Variants in ITPR2 observed in about 807,000 individuals in gnomAD.
ITPR2 encodes inositol 1,4,5-trisphosphate receptor type 2.
A neutral mutation model predicts 317.1 loss-of-function variants in ITPR2; 207 were observed. The observed-to-expected ratio is 0.65, with a 90% CI of 0.58 to 0.73. The LOEUF (loss-of-function observed/expected upper bound fraction) is 0.73, where lower values mean the gene tolerates loss of function less well. Among genes scored for constraint, ITPR2 ranks in the 30% least tolerant of loss-of-function variants. ITPR2 has a pLI of 0.00. For synonymous variants in ITPR2, 1,156 were observed against 1,149.1 expected, an observed-to-expected ratio of 1.01 and a Z score of -0.12; for missense variants, 2,613 against 3,284.0, an observed-to-expected ratio of 0.80 and a Z score of 4.99.
chr12:26,453,983 TAATA>T (rs1941810476), intron 45 of ITPR2, among the ~76,000 whole-genome samples: 2 of 152,310 alleles, frequency 1.3e-5, no homozygotes, highest in Non-Finnish European at 2.9e-5. Flanking sequence ...AAGAGTTGCT[TAATA>T]AATATTTTTT....
chr12:26,571,320 C>T (rs1945154426), intron 34 of ITPR2, among the ~76,000 whole-genome samples: 1 of 152,086 alleles, frequency 6.6e-6, no homozygotes, highest in African/African-American at 2.4e-5. Flanking sequence ...GGATCATAGC[C>T]TCAAAACATT....
intron 8 of ITPR2, among the ~76,000 whole-genome samples, chr12:26,713,263 G>A (rs879467443): frequency 6.6e-6 from 1 of 152,120 alleles, no homozygotes; most frequent in Non-Finnish European, 1.5e-5. Flanking sequence ...CATGTTGAAC[G>A]TAATTTCCCT....
chr12:26,653,856 G>C (rs570166761), intron 21 of ITPR2, 120 bp downstream of exon 21: 1 of 711,430 alleles, frequency 1.4e-6, no homozygotes, highest in South Asian at 1.8e-5. Context: ...CATAGGAATT[G>C]TGTTCATATG....
intron 37 of ITPR2, among the ~76,000 whole-genome samples, chr12:26,527,788 A>T (rs79645096): frequency 0.013 from 2,000 of 152,302 alleles, 43 homozygotes; most frequent in African/African-American, 0.045. Context: ...CCTGACAAGG[A>T]TAAAGGTAAT....
intron 39 of ITPR2, chr12:26,493,929 T>C (rs1240304127): frequency 1.5e-5 from 6 of 399,056 alleles, no homozygotes; most frequent in Non-Finnish European, 2.6e-5. Context: ...CCTGGAATAA[T>C]GTCAGAAGGA....
intron 1 of ITPR2, among the ~76,000 whole-genome samples, chr12:26,804,943 T>A (rs1950616941): frequency 6.6e-6 from 1 of 151,908 alleles, no homozygotes; most frequent in African/African-American, 2.4e-5. Context: ...CCATGTTGCC[T>A]AGGCTGGTCT....
At chr12:26,415,185 C>A (rs960679613) in intron 51 of ITPR2, 118 bp downstream of exon 51, 1 of 679,856 alleles carries the variant, frequency 1.5e-6, no homozygotes, top group African/African-American at 1.8e-5. Context: ...AAAACATATT[C>A]TCAAAGGAAT....
At chr12:26,644,180 C>T (rs775989115) in intron 21 of ITPR2, among the ~76,000 whole-genome samples, 2 of 152,098 alleles carry the variant, frequency 1.3e-5, no homozygotes. Context: ...GGAGGGGGTG[C>T]CACCTCACAT....
intron 2 of ITPR2, among the ~76,000 whole-genome samples, chr12:26,773,463 G>C (rs929028615): frequency 1.1e-4 from 16 of 152,272 alleles, no homozygotes; most frequent in Admixed American, 1.0e-3. Context: ...GGGTAAGTGA[G>C]GGAGCTGGAG....
intron 50 of ITPR2, 31 bp downstream of exon 50, chr12:26,419,018 G>C: frequency 1.3e-6 from 2 of 1,572,024 alleles, no homozygotes; most frequent in Middle Eastern, 1.7e-4. Flanking sequence ...TACTTTTTCA[G>C]CAGTGATTGT....
In ITPR2 at chr12:26,548,256, A is replaced by G. The variant is rs549004288; in HGVS notation, c.5073+1991T>C. ...AGGCTTGATTGGATTTTTGCAATCT[A>G]TGATTCCAGATGAAGCAAAGGTCAG... is the stretch of plus-strand genomic sequence containing the variant. On this transcript the variant is annotated intron_variant, in intron 37 of 56. Transcript: ENST00000381340. Among the ~76,000 whole-genome samples the G allele has an allele frequency of 7.2e-4, 110 of 152,342 alleles. 3 individuals are homozygous for G. In the South Asian group the frequency reaches 0.022, roughly 30 times the overall value.
At chr12:26,346,592 G>A (rs1938318194) in intron 55 of ITPR2, among the ~76,000 whole-genome samples, 1 of 151,016 alleles carries the variant, frequency 6.6e-6, no homozygotes, top group African/African-American at 2.4e-5. Flanking sequence ...ACACAGCACT[G>A]CAGCCTGGGC....
intron 45 of ITPR2, among the ~76,000 whole-genome samples, chr12:26,459,170 G>A (rs1332131964): frequency 6.6e-6 from 1 of 152,188 alleles, no homozygotes; most frequent in African/African-American, 2.4e-5. Flanking sequence ...CATTTTAAAT[G>A]TACACACACT....
intron 34 of ITPR2, 43 bp from the exon 35 acceptor site, chr12:26,561,995 A>G (rs1440077975): frequency 1.5e-6 from 2 of 1,354,214 alleles, no homozygotes; most frequent in Non-Finnish European, 2.0e-6. Flanking sequence ...TAATTTGACT[A>G]AAGTTTCTTA....
chr12:26,447,350 TTTC>T (rs1457928709), intron 45 of ITPR2, among the ~76,000 whole-genome samples: 2 of 152,064 alleles, frequency 1.3e-5, no homozygotes, highest in Non-Finnish European at 2.9e-5. Flanking sequence ...TTTAATATTT[TTTC>T]TTGTTTGATA....
intron 55 of ITPR2, among the ~76,000 whole-genome samples, chr12:26,365,025 T>C (rs562448437): frequency 6.6e-6 from 1 of 152,336 alleles, no homozygotes; most frequent in Non-Finnish European, 1.5e-5. Context: ...ACTACAGTTA[T>C]CTGGTATAAT....
At chr12:26,585,465 G>A (rs570162869) in intron 32 of ITPR2, among the ~76,000 whole-genome samples, 9 of 152,090 alleles carry the variant, frequency 5.9e-5, no homozygotes, top group Admixed American at 2.6e-4. Context: ...GGAGTGCAGC[G>A]GTGCAATCAG....
rs529242644 is a variant in ITPR2, at chr12:26,411,798, G to A, written c.7307-386C>T. On this transcript the variant is annotated intron_variant, in intron 51 of 56. Transcript: ENST00000381340. ...GCAGTCCCTGAGCCCTAAGCCACTC[G>A]TCCCTACAACTGAGGCAGGGACTGC... Among the ~76,000 whole-genome samples, 151 of 152,216 alleles carry A rather than the reference G, an allele frequency of 9.9e-4. 2 individuals are homozygous for A. The highest frequency in any genetic ancestry group is 1.9e-4 in the East Asian group (1 of 5,164).
intron 45 of ITPR2, among the ~76,000 whole-genome samples, chr12:26,462,562 T>C (rs931614503): frequency 2.0e-5 from 3 of 152,164 alleles, no homozygotes; most frequent in African/African-American, 4.8e-5. Context: ...ACTGGATCTA[T>C]TGACTAAATG....
Sources: gnomAD v4.1 joint callset for allele counts (sites outside exome capture counted in the v4.1 genomes callset) on GRCh38, gnomAD v4.1.1 for gene constraint, MANE v1.5 for transcripts, NCBI Gene and HGNC (gene_info 2026-07-23, HGNC 2026-07-21) for gene names.